SRD5A2: variants seen among roughly 807,000 people sequenced by gnomAD.
SRD5A2 encodes steroid 5 alpha-reductase 2, also known as 3-oxo-5-alpha-steroid 4-dehydrogenase 2.
In SRD5A2, 30 loss-of-function variants were observed where a neutral mutation model predicts 27.4. The observed-to-expected ratio is 1.10, with a 90% confidence interval of 0.82 to 1.49. The LOEUF is 1.49. SRD5A2 is among the 40% of genes most tolerant of loss of function. The pLI is 0.00. For synonymous variants in SRD5A2, 141 were observed against 133.6 expected (o/e 1.06, Z -0.38); for missense variants, 348 against 323.4 (o/e 1.08, Z -0.58).
chr2:31,597,027 C>T, the SRD5A2 span, among the ~76,000 whole-genome samples: 1 of 152,086 alleles, frequency 6.6e-6, no homozygotes, highest in Non-Finnish European at 1.5e-5. Context: ...AAAGGGCCCA[C>T]TCAACCAAAG....
At chr2:31,534,525 C>A (rs1277706028) in intron 1 of SRD5A2, among the ~76,000 whole-genome samples, 1 of 152,202 alleles carries the variant, frequency 6.6e-6, no homozygotes, top group Admixed American at 6.5e-5. Context: ...ACAATTGGAT[C>A]TTGAAGCTTT....
Position 31,524,442 on chromosome 2 carries a change from GAGAGA to G in SRD5A2, c.*1749_*1753del. 4.7e-6 allele frequency: 1 copy of G among 213,164 alleles called. No homozygotes were observed. Among genetic ancestry groups the G allele is most frequent in the African/African-American group, 2.3e-5 (1 of 44,326 alleles). The allele number at this position is 213,164 out of a possible 1,614,324, so 13.2% of individuals were successfully genotyped here. A position where few individuals can be genotyped will look rare whatever the true frequency, so the allele number is the denominator to read the frequency against. The stretch of plus-strand genomic sequence containing the variant: ...AGCACACAGCCCCTAATTTCATGAA[GAGAGA>G]AGAGAAGAAAGGAAACGACACTACA... On this transcript the variant is annotated 3_prime_UTR_variant, in exon 5 of 5. Coordinates refer to ENST00000622030, the MANE Select transcript of SRD5A2 (RefSeq NM_000348.4).
the SRD5A2 span, among the ~76,000 whole-genome samples, chr2:31,589,835 C>T: frequency 1.3e-5 from 2 of 149,002 alleles, no homozygotes; most frequent in African/African-American, 2.4e-5. Context: ...GAGAGCCCTG[C>T]TTGCTTTCTC....
chr2:31,545,942 T>C lies in SRD5A2; in HGVS notation c.282-12176A>G, dbSNP rs1052791555. Among the ~76,000 whole-genome samples, 5 of 152,106 alleles carry C rather than the reference T, an allele frequency of 3.3e-5. No homozygotes were observed. In the East Asian group the frequency reaches 9.6e-4, roughly 29 times the overall value. On this transcript the variant is annotated intron_variant, in intron 1 of 4. Transcript: ENST00000622030. The stretch of plus-strand genomic sequence containing the variant: ...TACAATAAACAATATGAAAAGGATA[T>C]TAAGAAAGTCTCATTTACGATAGCA...
intron 1 of SRD5A2, among the ~76,000 whole-genome samples, chr2:31,555,328 T>C (rs1666473396): frequency 6.6e-6 from 1 of 152,142 alleles, no homozygotes; most frequent in Non-Finnish European, 1.5e-5. Context: ...CCTACCTCTT[T>C]CCACAGTCTT....
rs929203814 is a variant in SRD5A2 at position 31,580,606 on chromosome 2, G to A, written c.281+14C>T. ...AGTGCGCTGCACTGGGCGCCCGCAA[G>A]GGAAAAACGCTACCTGTGGAAGTAA... On this transcript the variant is annotated intron_variant, in intron 1 of 4. Transcript: ENST00000622030. 3 of 1,527,858 alleles carry A rather than the reference G, an allele frequency of 2.0e-6. No homozygotes were observed. Among genetic ancestry groups the A allele is most frequent in the African/African-American group, 1.4e-5 (1 of 73,014 alleles). The allele number at this position is 1,527,858 out of a possible 1,614,324, so 94.6% of individuals were successfully genotyped here.
the SRD5A2 span, among the ~76,000 whole-genome samples, chr2:31,607,159 T>C: frequency 9.9e-5 from 15 of 152,008 alleles, no homozygotes; most frequent in African/African-American, 3.4e-4. Context: ...ATCTTATAGA[T>C]GAAATCCAAC....
the SRD5A2 span, among the ~76,000 whole-genome samples, chr2:31,625,099 T>C: frequency 6.6e-6 from 1 of 152,212 alleles, no homozygotes; most frequent in Non-Finnish European, 1.5e-5. Context: ...TTTGCATTTC[T>C]CTGATGACCA....
the SRD5A2 span, among the ~76,000 whole-genome samples, chr2:31,605,552 C>T: frequency 2.0e-5 from 3 of 151,722 alleles, no homozygotes; most frequent in African/African-American, 4.8e-5. Context: ...AGGTGCTCAA[C>T]GTCATTAATC....
intron 1 of SRD5A2, 104 bp downstream of exon 1, chr2:31,580,516 C>G (rs1453799236): frequency 1.5e-6 from 2 of 1,359,648 alleles, no homozygotes; most frequent in Non-Finnish European, 9.7e-7. Flanking sequence ...CAGCGCCCCA[C>G]GCTGCCTCCT....
intron 1 of SRD5A2, among the ~76,000 whole-genome samples, chr2:31,573,425 T>C (rs1433693662): frequency 6.6e-6 from 1 of 152,184 alleles, no homozygotes; most frequent in Non-Finnish European, 1.5e-5. Context: ...GCACAGAAAC[T>C]TTTAAAACAA....
the SRD5A2 span, among the ~76,000 whole-genome samples, chr2:31,587,689 T>C: frequency 6.6e-6 from 1 of 152,178 alleles, no homozygotes; most frequent in East Asian, 1.9e-4. Flanking sequence ...TAAGTGGCAG[T>C]TGAACAATGA....
the SRD5A2 span, among the ~76,000 whole-genome samples, chr2:31,592,602 G>A: frequency 1.3e-5 from 2 of 152,172 alleles, no homozygotes; most frequent in Non-Finnish European, 2.9e-5. Flanking sequence ...AAAGGCAATA[G>A]CAATCACTCC....
the SRD5A2 span, among the ~76,000 whole-genome samples, chr2:31,592,308 T>C: frequency 6.6e-6 from 1 of 152,116 alleles, no homozygotes; most frequent in South Asian, 2.1e-4. Context: ...AAACAACAGC[T>C]AATTCCACCA....
chr2:31,620,608 G>T, the SRD5A2 span, among the ~76,000 whole-genome samples: 1 of 151,734 alleles, frequency 6.6e-6, no homozygotes, highest in East Asian at 1.9e-4. Context: ...TATCTCCAAG[G>T]TGCCTACATT....
At chr2:31,587,252 C>A in the SRD5A2 span, among the ~76,000 whole-genome samples, 1 of 152,128 alleles carries the variant, frequency 6.6e-6, no homozygotes, top group Non-Finnish European at 1.5e-5. Flanking sequence ...AGTCAGGAAA[C>A]AACAGATGCT....
At chr2:31,648,838 T>C in the SRD5A2 span, among the ~76,000 whole-genome samples, 1 of 152,228 alleles carries the variant, frequency 6.6e-6, no homozygotes, top group Non-Finnish European at 1.5e-5. Context: ...GAAAATATGC[T>C]TTGTCCTCTG....
intron 1 of SRD5A2, among the ~76,000 whole-genome samples, chr2:31,559,929 C>A (rs186404191): frequency 6.6e-6 from 1 of 151,844 alleles, no homozygotes; most frequent in African/African-American, 2.4e-5. Flanking sequence ...GAAGAGTAAT[C>A]TCAAAGTTTC....
chr2:31,574,958 G>C (rs1329465167), intron 1 of SRD5A2, among the ~76,000 whole-genome samples: 2 of 152,174 alleles, frequency 1.3e-5, no homozygotes, highest in Admixed American at 6.5e-5. Flanking sequence ...GTAGGGGTGA[G>C]TTGCTGCAAT....
Sources: allele counts gnomAD v4.1 joint callset (sites outside exome capture counted in the v4.1 genomes callset), GRCh38; gene constraint gnomAD v4.1.1; transcripts MANE v1.5; gene names NCBI Gene and HGNC (gene_info 2026-07-23, HGNC 2026-07-21).